The following HNMT variants were observed in gnomAD, a reference collection of about 807,000 sequenced individuals.
HNMT encodes the protein histamine N-methyltransferase.
Under a neutral mutation model 32.1 loss-of-function variants are expected in HNMT, and 30 were observed. That is an observed-to-expected ratio of 0.93 (90% confidence interval 0.70 to 1.27). HNMT has a LOEUF of 1.27. Among genes scored for constraint, HNMT ranks in the 50% most tolerant of loss-of-function variants. The pLI is 0.00. For synonymous variants in HNMT, 125 were observed against 119.0 expected, an observed-to-expected ratio of 1.05 and a Z score of -0.33; for missense variants, 327 against 346.0, an observed-to-expected ratio of 0.95 and a Z score of 0.43.
At chr2:137,985,549 A>G (rs1326792210) in intron 2 of HNMT, among the ~76,000 whole-genome samples, 2 of 152,158 alleles carry the variant, frequency 1.3e-5, no homozygotes, top group Admixed American at 6.5e-5. Flanking sequence ...CCAAGTAACT[A>G]TCTTACTAGT....
At chr2:137,984,664 T>G (rs1405394916) in intron 2 of HNMT, among the ~76,000 whole-genome samples, 1 of 152,182 alleles carries the variant, frequency 6.6e-6, no homozygotes, top group Non-Finnish European at 1.5e-5. Flanking sequence ...ATCTGAACAC[T>G]AAGTAAATAT....
At chr2:138,007,240 G>T (rs865946956) in intron 5 of HNMT, among the ~76,000 whole-genome samples, 10 of 152,020 alleles carry the variant, frequency 6.6e-5, no homozygotes, top group African/African-American at 2.2e-4. Context: ...ATTTTATTTG[G>T]GGCTTTCTAC....
At chr2:137,981,008 C>A (rs948500979) in intron 2 of HNMT, among the ~76,000 whole-genome samples, 8 of 152,190 alleles carry the variant, frequency 5.3e-5, no homozygotes, top group African/African-American at 1.9e-4. Flanking sequence ...TATGAGCAAT[C>A]GCTCTTCCTA....
rs969820974 is a variant in HNMT, at chr2:137,979,194, A to C, written c.190+8977A>C. ...AATTATATATTCACATATAAAATAT[A>C]TCCATATATATTTCCATATATAAAG... is the stretch of plus-strand genomic sequence containing the variant. On this transcript the variant is annotated intron_variant, in intron 2 of 5. Coordinates refer to ENST00000280097, the MANE Select transcript of HNMT (RefSeq NM_006895.3). 2.0e-5 allele frequency among the ~76,000 whole-genome samples: 3 copies of C among 148,840 alleles called. No individual in the cohort carries two copies. The Admixed American group carries it at 2.0e-4, about 10-fold the overall frequency.
At chr2:138,004,207 A>G (rs1558746350) in intron 4 of HNMT, among the ~76,000 whole-genome samples, 2 of 152,010 alleles carry the variant, frequency 1.3e-5, no homozygotes, top group Non-Finnish European at 2.9e-5. Flanking sequence ...TTGATTCACT[A>G]TATTTGGGTA....
At chr2:137,986,769 GC>G (rs1434003015) in intron 2 of HNMT, among the ~76,000 whole-genome samples, 1 of 152,138 alleles carries the variant, frequency 6.6e-6, no homozygotes, top group African/African-American at 2.4e-5. Flanking sequence ...TTAAAAATAA[GC>G]TATAATTCTA....
chr2:137,972,690 T>C (rs543608413), intron 2 of HNMT, among the ~76,000 whole-genome samples: 31 of 152,336 alleles, frequency 2.0e-4, no homozygotes, highest in African/African-American at 7.5e-4. Context: ...CCAAGACAGT[T>C]ATTTCCTGTG....
Position 137,970,176 on chromosome 2 carries a change from C to G in HNMT, c.149C>G (p.Thr50Arg). 2 of 1,572,478 alleles carry G rather than the reference C, an allele frequency of 1.3e-6. No homozygotes were observed. Among genetic ancestry groups the G allele is most frequent in the Non-Finnish European group, 1.7e-6 (2 of 1,149,520 alleles). ...TTTTTTTCTTTCAGGATTGGAGACA[C>G]AAAATCAGAAATTAAGATTCTAAGC... is the stretch of plus-strand genomic sequence containing the variant. ...LPGIIGRIGD[T>R]KSEIKILSIG... is the part of the protein sequence containing the mutation. Residue 50 changes from threonine (T) to arginine (R), a missense_variant, in exon 2 of 6, where the codon ACA (threonine) becomes AGA (arginine). Physicochemically the swap from Thr to Arg is moderately conservative, Grantham distance 71. Coordinates refer to ENST00000280097, the MANE Select transcript of HNMT (RefSeq NM_006895.3).
intron 2 of HNMT, among the ~76,000 whole-genome samples, chr2:137,998,298 C>T (rs941060917): frequency 6.6e-6 from 1 of 151,980 alleles, no homozygotes; most frequent in African/African-American, 2.4e-5. Context: ...ACAAATTTCT[C>T]ATATTAGTAA....
chr2:137,975,144 G>T (rs1288059363), intron 2 of HNMT, among the ~76,000 whole-genome samples: 1 of 152,190 alleles, frequency 6.6e-6, no homozygotes, highest in East Asian at 1.9e-4. Flanking sequence ...AATCAATTTA[G>T]AGGTTTATTT....
At chr2:137,981,414 C>A (rs1558956093) in intron 2 of HNMT, 9 of 1,554,006 alleles carry the variant, frequency 5.8e-6, no homozygotes, top group Middle Eastern at 1.7e-4. Flanking sequence ...TAAGTGTCAT[C>A]TTTTCCATGA....
intron 2 of HNMT, among the ~76,000 whole-genome samples, chr2:137,979,944 C>G (rs1283714005): frequency 3.9e-5 from 6 of 152,102 alleles, no homozygotes; most frequent in African/African-American, 1.4e-4. Flanking sequence ...CCTTCATCTC[C>G]TTCAGCTAAA....
In HNMT at chr2:138,014,184, T is replaced by A; in HGVS notation, c.*54T>A. ...TTATATTTTGAACAACTCGAATCAC[T>A]CATTTATTTCCATATTAAAATCACA... On this transcript the variant is annotated 3_prime_UTR_variant, in exon 6 of 6. Transcript: ENST00000280097. 1 of 1,122,620 alleles carries A rather than the reference T, an allele frequency of 8.9e-7. No individual in the cohort carries two copies. Among genetic ancestry groups the A allele is most frequent in the South Asian group, 1.5e-5 (1 of 64,754 alleles). The allele number at this position is 1,122,620 out of a possible 1,614,324, so 69.5% of individuals were successfully genotyped here.
rs749891221 is a variant in HNMT at position 138,002,062 on chromosome 2, A to T, written c.299-2A>T. The T allele has an allele frequency of 6.4e-7, 1 of 1,557,640 alleles. No homozygotes were observed. ...GTGTGTCACCTCTTCTCTGTATTTT[A>T]GAGCTTGTAGCCAAGACATCGAACC... On this transcript the variant is annotated splice_acceptor_variant, in intron 3 of 5. Coordinates refer to ENST00000280097, the MANE Select transcript of HNMT (RefSeq NM_006895.3). LOFTEE classifies it high-confidence loss of function.
At chr2:138,001,275 A>C (rs78481155) in intron 3 of HNMT, among the ~76,000 whole-genome samples, 1,566 of 152,314 alleles carry the variant, frequency 0.01, 24 homozygotes, top group African/African-American at 0.035. Context: ...TTTGATGTTT[A>C]TGCTTAAGTA....
chr2:138,005,890 T>G (rs1330380165), intron 5 of HNMT, among the ~76,000 whole-genome samples: 1 of 151,586 alleles, frequency 6.6e-6, no homozygotes, highest in Admixed American at 6.6e-5. Context: ...TCAGCAATCT[T>G]TATGGATTTT....
intron 5 of HNMT, among the ~76,000 whole-genome samples, chr2:138,012,853 C>T (rs1431755728): frequency 1.3e-5 from 2 of 151,988 alleles, no homozygotes; most frequent in African/African-American, 4.8e-5. Flanking sequence ...TAAAAACTCC[C>T]ACCACTTCTC....
intron 5 of HNMT, among the ~76,000 whole-genome samples, chr2:138,013,255 G>C (rs1012830276): frequency 6.6e-6 from 1 of 152,012 alleles, no homozygotes; most frequent in Non-Finnish European, 1.5e-5. Context: ...GCATTACAGT[G>C]GTTTCCCATT....
intron 2 of HNMT, among the ~76,000 whole-genome samples, chr2:137,975,233 G>T (rs1680253355): frequency 1.3e-5 from 2 of 152,294 alleles, no homozygotes; most frequent in African/African-American, 2.4e-5. Context: ...TTCCAAAGAG[G>T]TGTTTGAAGG....
Sources: gnomAD v4.1 joint callset for allele counts (sites outside exome capture counted in the v4.1 genomes callset) on GRCh38, gnomAD v4.1.1 for gene constraint, MANE v1.5 for transcripts, NCBI Gene and HGNC (gene_info 2026-07-23, HGNC 2026-07-21) for gene names.